Variants in DCHS2 observed in about 807,000 individuals in gnomAD.
The protein encoded by DCHS2 is protocadherin-23.
DCHS2 carries 142 observed loss-of-function variants against 182.4 expected under a neutral mutation model. That is an observed-to-expected ratio of 0.78 (90% CI 0.68 to 0.89). The LOEUF is 0.89. DCHS2 is among the 40% of genes least tolerant of loss of function. The pLI, the probability that DCHS2 is intolerant of heterozygous loss-of-function variation, is 0.00. For missense variants in DCHS2, 4,319 were observed against 4,198.6 expected (o/e 1.03, Z -0.79); for synonymous variants, 1,740 against 1,663.3 (o/e 1.05, Z -1.12).
chr4:154,335,618 C>A (rs1728762536), intron 3 of DCHS2, among the ~76,000 whole-genome samples: 2 of 152,210 alleles, frequency 1.3e-5, no homozygotes, highest in Non-Finnish European at 2.9e-5. Flanking sequence ...GATCTTGGGA[C>A]TTGCCAGCCT....
Position 154,275,925 on chromosome 4 carries a change from G to A in DCHS2, c.6464-5912C>T, listed in dbSNP as rs544098912. Among the ~76,000 whole-genome samples the A allele has an allele frequency of 4.3e-4, 66 of 151,990 alleles. 1 individual carries two copies. The highest frequency in any genetic ancestry group is 8.4e-4 in the Non-Finnish European group (57 of 67,918). On this transcript the variant is annotated intron_variant, in intron 13 of 19. Coordinates refer to ENST00000357232, the MANE Select transcript of DCHS2 (RefSeq NM_001358235.2). ...AATCAAATTTTCATAATATCAAATG[G>A]AATTGTAGCACAAAAGAATTTCATT...
chr4:154,319,095 A>G (rs1205373886), intron 9 of DCHS2, among the ~76,000 whole-genome samples: 1 of 152,148 alleles, frequency 6.6e-6, no homozygotes, highest in Non-Finnish European at 1.5e-5. Flanking sequence ...ACTTTCGAAA[A>G]AGGCTAATCT....
chr4:154,390,413 CA>C (rs1038451586), intron 1 of DCHS2, among the ~76,000 whole-genome samples: 9 of 151,538 alleles, frequency 5.9e-5, no homozygotes, highest in Admixed American at 4.6e-4. Flanking sequence ...ATCCTGTGGC[CA>C]AAGAATACAT....
intron 3 of DCHS2, among the ~76,000 whole-genome samples, chr4:154,361,240 A>G (rs564100740): frequency 6.6e-6 from 1 of 152,286 alleles, no homozygotes; most frequent in African/African-American, 2.4e-5. Context: ...TTGCCTTAAA[A>G]TGATCTGAAT....
chr4:154,269,411 AG>A (rs1733463343), intron 14 of DCHS2: 1 of 154,242 alleles, frequency 6.5e-6, no homozygotes, highest in Admixed American at 6.5e-5. Context: ...GTCTTACTGA[AG>A]CTAAGTTTAA....
rs1170812679 is a variant in DCHS2, at chr4:154,347,915, A to T, written c.2477-12811T>A. 2.0e-5 allele frequency among the ~76,000 whole-genome samples: 3 copies of T among 152,066 alleles called. No individual in the cohort carries two copies. The South Asian group carries it at 6.2e-4, about 32-fold the overall frequency. Reference sequence around the variant, plus strand: ...AATGGTACAGATTTCTGGTCCATAGACTTATCTAAACCAGTCCTGGATAGA... The same window carrying T: ...AATGGTACAGATTTCTGGTCCATAGTCTTATCTAAACCAGTCCTGGATAGA... On this transcript the variant is annotated intron_variant, in intron 3 of 19. Transcript: ENST00000357232.
chr4:154,293,204 A>AT (rs58636806), intron 13 of DCHS2, among the ~76,000 whole-genome samples: 1,834 of 149,166 alleles, frequency 0.012, 42 homozygotes, highest in African/African-American at 0.042. Context: ...CAGGTATTCG[A>AT]TTTTTTTTTT....
At chr4:154,485,993 G>A (rs765558763) in intron 1 of DCHS2, among the ~76,000 whole-genome samples, 1 of 152,224 alleles carries the variant, frequency 6.6e-6, no homozygotes, top group African/African-American at 2.4e-5. Context: ...CTGGGTGTCT[G>A]CAGAGTGGAA....
intron 3 of DCHS2, among the ~76,000 whole-genome samples, chr4:154,337,460 TAGACACATCGATGGCTCCCC>T (rs1728864489): frequency 6.6e-6 from 1 of 152,134 alleles, no homozygotes; most frequent in African/African-American, 2.4e-5. Context: ...AATCCAAATC[TAGACACATCGATGGCTCCCC>T]AGCTTTTCAG....
intron 1 of DCHS2, among the ~76,000 whole-genome samples, chr4:154,422,919 G>C (rs1032528552): frequency 6.6e-5 from 10 of 152,112 alleles, no homozygotes; most frequent in Non-Finnish European, 5.9e-5. Context: ...GCCTGTCCAG[G>C]CGTGAAGTCT....
chr4:154,237,195 G>A (rs1427093000), intron 19 of DCHS2, 36 bp from the exon 20 acceptor site: 2 of 1,554,874 alleles, frequency 1.3e-6, no homozygotes, highest in South Asian at 1.2e-5. Context: ...ACACTGTGAG[G>A]TGCAGTTTTG....
chr4:154,333,140 G>C lies in DCHS2; in HGVS notation c.3068C>G (p.Pro1023Arg). Residue 1023 changes from proline (P) to arginine (R), a missense_variant, in exon 5 of 20, where the codon CCA (proline) becomes CGA (arginine). Transcript: ENST00000357232. ...LIRYSIASPQ[P>R]GVFAIDRALG... ...GGCTCTGTCGATGGCAAAGACGCCT[G>C]GCTGCGGGCTGGCGATGGAGTACCG... The C allele has an allele frequency of 1.2e-6, 2 of 1,614,180 alleles. No individual in the cohort carries two copies. The highest frequency in any genetic ancestry group is 1.7e-6 in the Non-Finnish European group (2 of 1,180,036).
chr4:154,237,772 A>G (rs935389182), intron 19 of DCHS2, among the ~76,000 whole-genome samples: 1 of 152,190 alleles, frequency 6.6e-6, no homozygotes, highest in African/African-American at 2.4e-5. Flanking sequence ...TAAGATAAAT[A>G]TGTCTTAAGG....
At position 154,334,952 on chromosome 4, in the gene DCHS2, CA is replaced by C; in HGVS notation, c.2628del (p.Phe876LeufsTer9). 6.2e-7 allele frequency: 1 copy of C among 1,614,214 alleles called. No individual in the cohort carries two copies. Among genetic ancestry groups the C allele is most frequent in the Non-Finnish European group, 8.5e-7 (1 of 1,180,032 alleles). ...ACTAAGAAAGTGTACTTAGGCCTTT[CA>C]AACTCAGCAGGTGCCAGAGTTGTCT... is the stretch of plus-strand genomic sequence containing the variant. ...IFQTTLAPAE[F>X]ERPKYTFLVY... On this transcript the variant is annotated frameshift_variant, in exon 4 of 20. Coordinates refer to ENST00000357232, the MANE Select transcript of DCHS2 (RefSeq NM_001358235.2). LOFTEE classifies it high-confidence loss of function.
chr4:154,398,692 C>T (rs1000289960), intron 1 of DCHS2, among the ~76,000 whole-genome samples: 16 of 152,168 alleles, frequency 1.1e-4, no homozygotes, highest in African/African-American at 3.9e-4. Context: ...CATTTACATT[C>T]CAGTGAGCTC....
At chr4:154,269,044 C>T (rs746222784) in intron 14 of DCHS2, 16 of 152,276 alleles carry the variant, frequency 1.1e-4, no homozygotes, top group Admixed American at 2.6e-4. Flanking sequence ...TGTTCACAAA[C>T]GATCCTTTCG....
chr4:154,449,413 C>T (rs1350143650), intron 1 of DCHS2, among the ~76,000 whole-genome samples: 1 of 151,302 alleles, frequency 6.6e-6, no homozygotes, highest in African/African-American at 2.4e-5. Flanking sequence ...TCCTGTCGCT[C>T]AGGCTGGAGT....
chr4:154,369,976 T>C (rs1012952964), intron 2 of DCHS2, among the ~76,000 whole-genome samples: 5 of 152,216 alleles, frequency 3.3e-5, no homozygotes, highest in African/African-American at 4.8e-5. Flanking sequence ...CCATTCTCTT[T>C]GTTCTTGCCT....
At position 154,377,287 on chromosome 4, in the gene DCHS2, G is replaced by A; in HGVS notation, c.2210C>T (p.Ala737Val). Residue 737 changes from alanine to valine, a missense_variant, in exon 2 of 20, where the codon GCT (alanine) becomes GTT (valine). Coordinates refer to ENST00000357232, the MANE Select transcript of DCHS2 (RefSeq NM_001358235.2). ...SQDIDRERDPATYDLLVEAKD... is the reference protein window; with the variant it reads ...SQDIDRERDPVTYDLLVEAKD... The stretch of plus-strand genomic sequence containing the variant: ...AGCTTCCACCAGGAGATCATAGGTA[G>A]CTGGATCCCTTTCCCTGTCGATATC... 6.2e-7 allele frequency: 1 copy of A among 1,613,392 alleles called. No individual in the cohort carries two copies. The highest frequency in any genetic ancestry group is 8.5e-7 in the Non-Finnish European group (1 of 1,179,518).
Sources: gnomAD v4.1 joint callset for allele counts (sites outside exome capture counted in the v4.1 genomes callset) on GRCh38, gnomAD v4.1.1 for gene constraint, MANE v1.5 for transcripts, NCBI Gene and HGNC (gene_info 2026-07-23, HGNC 2026-07-21) for gene names.